The following DAGLB variants were observed in gnomAD, a reference collection of about 807,000 sequenced individuals.
DAGLB encodes the protein diacylglycerol lipase beta, also known as diacylglycerol lipase-beta.
In DAGLB, 66 loss-of-function variants were observed where a neutral mutation model predicts 72.1. The observed-to-expected ratio is 0.92, with a 90% confidence interval of 0.75 to 1.12. DAGLB has a LOEUF of 1.12. DAGLB is among the 50% of genes most tolerant of loss of function. The pLI, the probability that DAGLB is intolerant of heterozygous loss-of-function variation, is 0.00. For missense variants in DAGLB, 1,065 were observed against 884.9 expected, an observed-to-expected ratio of 1.20 and a Z score of -2.58; for synonymous variants, 414 against 359.5, an observed-to-expected ratio of 1.15 and a Z score of -1.71.
intron 9 of DAGLB, 105 bp from the exon 10 acceptor site, chr7:6,417,026 T>C: frequency 1.5e-6 from 2 of 1,322,476 alleles, no homozygotes; most frequent in Admixed American, 1.9e-5. Context: ...GAGTCTCTCC[T>C]GGGATCTGAG....
chr7:6,445,819 G>A (rs1246317222), intron 2 of DAGLB, 134 bp downstream of exon 2: 2 of 999,480 alleles, frequency 2.0e-6, no homozygotes, highest in African/African-American at 3.3e-5. Context: ...TGATGGTGAT[G>A]GCTGCACAAC....
intron 8 of DAGLB, among the ~76,000 whole-genome samples, chr7:6,423,546 C>A (rs1784202441): frequency 6.6e-6 from 1 of 152,050 alleles, no homozygotes; most frequent in South Asian, 2.1e-4. Flanking sequence ...GCCTCAGCCT[C>A]CTGAGTATCT....
intron 2 of DAGLB, among the ~76,000 whole-genome samples, chr7:6,441,957 C>T (rs1003531670): frequency 6.6e-6 from 1 of 152,058 alleles, no homozygotes; most frequent in East Asian, 1.9e-4. Context: ...TCTCCTTGTG[C>T]TTCTCCCAGC....
chr7:6,434,707 C>A, intron 4 of DAGLB, 55 bp downstream of exon 4: 1 of 1,605,296 alleles, frequency 6.2e-7, no homozygotes. Context: ...CCGGCTCCAT[C>A]AGAAGCATTT....
chr7:6,413,186 T>C, intron 11 of DAGLB, 152 bp from the exon 12 acceptor site: 1 of 818,832 alleles, frequency 1.2e-6, no homozygotes. Context: ...AAACGTCAGT[T>C]ATGGCAACTC....
chr7:6,424,432 G>T (rs1250797771), intron 8 of DAGLB, among the ~76,000 whole-genome samples: 4 of 152,096 alleles, frequency 2.6e-5, no homozygotes, highest in African/African-American at 9.7e-5. Context: ...TCCCCGGGAG[G>T]GCTCCCGGGT....
intron 11 of DAGLB, 75 bp from the exon 12 acceptor site, chr7:6,413,109 G>GT (rs1783786791): frequency 1.3e-6 from 2 of 1,492,628 alleles, no homozygotes; most frequent in Admixed American, 3.7e-5. Flanking sequence ...AAAGAAATCA[G>GT]TAACACTGAG....
intron 9 of DAGLB, among the ~76,000 whole-genome samples, chr7:6,420,674 T>C (rs559180561): frequency 5.3e-5 from 8 of 152,220 alleles, no homozygotes; most frequent in African/African-American, 1.7e-4. Flanking sequence ...CCCGGAACTA[T>C]ACACTAACGA....
chr7:6,437,073 G>A (rs951483208), intron 2 of DAGLB, among the ~76,000 whole-genome samples: 1 of 151,374 alleles, frequency 6.6e-6, no homozygotes, highest in Non-Finnish European at 1.5e-5. Flanking sequence ...AGAATCGCTT[G>A]AACCCAGGAG....
At chr7:6,410,797 C>T (rs1414416483) in intron 13 of DAGLB, among the ~76,000 whole-genome samples, 2 of 152,082 alleles carry the variant, frequency 1.3e-5, no homozygotes, top group South Asian at 2.1e-4. Context: ...ATCTGCCTCC[C>T]GAATTCAAGC....
At chr7:6,437,320 G>C (rs117951922) in intron 2 of DAGLB, among the ~76,000 whole-genome samples, 3,377 of 152,138 alleles carry the variant, frequency 0.022, 58 homozygotes, top group Middle Eastern at 0.054. Context: ...CATTGTTCTA[G>C]ACACCAACCT....
intron 13 of DAGLB, among the ~76,000 whole-genome samples, chr7:6,411,672 C>G (rs569043376): frequency 1.3e-5 from 2 of 152,040 alleles, no homozygotes; most frequent in African/African-American, 2.4e-5. Context: ...ATTTAAATTG[C>G]GTTTCTTCTT....
chr7:6,446,004 G>A lies in DAGLB; in HGVS notation c.196C>T (p.Leu66=), dbSNP rs762810328. 1.2e-6 allele frequency: 2 copies of A among 1,613,824 alleles called. No individual in the cohort carries two copies. The highest frequency in any genetic ancestry group is 1.3e-5 in the African/African-American group (1 of 74,954). The change falls in exon 2 of 15, where the codon CTG becomes TTG. Residue 66 remains leucine, a synonymous_variant. Coordinates refer to ENST00000297056, the MANE Select transcript of DAGLB (RefSeq NM_139179.4). Reference sequence around the variant, plus strand: ...GACACAGTACATATGACAACTGCCAGGAGAATCATGAGGACGATCAAGTAA... The same window carrying A: ...GACACAGTACATATGACAACTGCCAAGAGAATCATGAGGACGATCAAGTAA... The part of the protein sequence containing the change: ...SSYLIVLMIL[L]AVVICTVSAI...
chr7:6,425,828 T>TC (rs934313379), intron 7 of DAGLB, among the ~76,000 whole-genome samples, 160 bp downstream of exon 7: 6 of 152,168 alleles, frequency 3.9e-5, no homozygotes, highest in African/African-American at 1.4e-4. Context: ...TCTGTGTGGC[T>TC]CCCCCAGAGT....
intron 11 of DAGLB, among the ~76,000 whole-genome samples, chr7:6,414,966 C>T (rs1403572014): frequency 6.6e-6 from 1 of 151,928 alleles, no homozygotes; most frequent in Non-Finnish European, 1.5e-5. Context: ...CCCAGGAGTT[C>T]AAGACCAGCC....
At position 6,425,240 on chromosome 7, in the gene DAGLB, C is replaced by T. The variant is rs561318404; in HGVS notation, c.1057-405G>A. ...GAGAATCACCTGGAGAGACAGCGAG[C>T]GACACTGAACACGCAGCACTGCAGC... is the stretch of plus-strand genomic sequence containing the variant. On this transcript the variant is annotated intron_variant, in intron 7 of 14. Transcript: ENST00000297056. Among the ~76,000 whole-genome samples, 62 of 152,226 alleles carry T rather than the reference C, an allele frequency of 4.1e-4. 1 individual carries two copies. The highest frequency in any genetic ancestry group is 6.8e-3 in the Middle Eastern group (2 of 292).
intron 4 of DAGLB, among the ~76,000 whole-genome samples, chr7:6,434,291 G>A (rs978891080): frequency 2.0e-5 from 3 of 151,394 alleles, no homozygotes; most frequent in Non-Finnish European, 2.9e-5. Flanking sequence ...CTAGAATGAC[G>A]CTCCCTTCTG....
intron 2 of DAGLB, among the ~76,000 whole-genome samples, chr7:6,444,394 G>A (rs775867625): frequency 6.6e-6 from 1 of 152,176 alleles, no homozygotes; most frequent in Non-Finnish European, 1.5e-5. Flanking sequence ...GTGAGGTCAG[G>A]AGATCGAGAC....
chr7:6,410,552 G>A (rs917875693), intron 13 of DAGLB, among the ~76,000 whole-genome samples, 172 bp from the exon 14 acceptor site: 3 of 152,130 alleles, frequency 2.0e-5, no homozygotes, highest in African/African-American at 7.2e-5. Flanking sequence ...CAGCCACCTC[G>A]GCTCAGGACA....
Sources: allele counts gnomAD v4.1 joint callset (sites outside exome capture counted in the v4.1 genomes callset), GRCh38; gene constraint gnomAD v4.1.1; transcripts MANE v1.5; gene names NCBI Gene and HGNC (gene_info 2026-07-23, HGNC 2026-07-21).